GMDS: variants seen among roughly 807,000 people sequenced by gnomAD.
The protein encoded by GMDS is GDP-mannose 4,6-dehydratase.
A neutral mutation model predicts 49.9 loss-of-function variants in GMDS; 20 were observed. The ratio of observed to expected loss-of-function variants is 0.40; its 90% CI spans 0.28 to 0.58. GMDS has a LOEUF of 0.58. Among genes scored for constraint, GMDS ranks in the 20% least tolerant of loss-of-function variants. GMDS has a pLI of 0.42. For missense variants in GMDS, 362 were observed against 481.4 expected, an observed-to-expected ratio of 0.75 and a Z score of 2.32; for synonymous variants, 177 against 178.6, an observed-to-expected ratio of 0.99 and a Z score of 0.07.
chr6:1,691,887 A>G (rs1765186150), intron 9 of GMDS, among the ~76,000 whole-genome samples: 1 of 152,096 alleles, frequency 6.6e-6, no homozygotes, highest in Non-Finnish European at 1.5e-5. Context: ...TGTGGTGGTT[A>G]ATACTGAATG....
Position 1,635,495 on chromosome 6 carries a change from C to G in GMDS, c.988-10955G>C, listed in dbSNP as rs534266431. On this transcript the variant is annotated intron_variant, in intron 9 of 10. Transcript: ENST00000380815. The surrounding 1 kb of genome is among the most constrained non-coding windows in gnomAD (Gnocchi z 4.7). ...GCCGGCCACCAAACATCTAGAAAAT[C>G]ATAACATCCTTTCAGGAAAATGCAG... Among the ~76,000 whole-genome samples the G allele has an allele frequency of 6.6e-6, 1 of 152,200 alleles. No individual in the cohort carries two copies. Among genetic ancestry groups the G allele is most frequent in the African/African-American group, 2.4e-5 (1 of 41,456 alleles).
chr6:2,118,198 T>G (rs12196729), intron 2 of GMDS, among the ~76,000 whole-genome samples: 3 of 147,552 alleles, frequency 2.0e-5, no homozygotes, highest in East Asian at 2.0e-4. Context: ...AGGTGGGGGG[T>G]GGGGGGACAG....
intron 4 of GMDS, among the ~76,000 whole-genome samples, chr6:2,091,494 G>A (rs1353705575): frequency 1.3e-5 from 2 of 152,134 alleles, no homozygotes; most frequent in Non-Finnish European, 2.9e-5. Context: ...AAAAACATAA[G>A]TTTAGTCACT....
chr6:1,999,588 T>C (rs1766526872), intron 4 of GMDS, among the ~76,000 whole-genome samples: 1 of 150,996 alleles, frequency 6.6e-6, no homozygotes, highest in Non-Finnish European at 1.5e-5. Flanking sequence ...ACCAACAAAA[T>C]ATAGTTGGAC....
At chr6:1,689,299 C>T (rs983703566) in intron 9 of GMDS, among the ~76,000 whole-genome samples, 2 of 152,124 alleles carry the variant, frequency 1.3e-5, no homozygotes, top group East Asian at 3.9e-4. Context: ...AAACATGAGT[C>T]AAGAGAGCCC....
chr6:1,765,200 A>T (rs1184906466), intron 7 of GMDS, among the ~76,000 whole-genome samples: 1 of 152,180 alleles, frequency 6.6e-6, no homozygotes, highest in Non-Finnish European at 1.5e-5. Context: ...TTGGAACCGG[A>T]TTCTAACTTA....
intron 8 of GMDS, among the ~76,000 whole-genome samples, chr6:1,739,102 A>G (rs1767158892): frequency 6.6e-6 from 1 of 152,206 alleles, no homozygotes; most frequent in Admixed American, 6.5e-5. Flanking sequence ...AGGCATGAAG[A>G]CCTGGGTCTG....
chr6:2,001,251 A>G (rs540739791), intron 4 of GMDS, among the ~76,000 whole-genome samples: 19 of 152,350 alleles, frequency 1.2e-4, no homozygotes, highest in African/African-American at 4.6e-4. Flanking sequence ...AATGATGTCA[A>G]GCATCTTTTC....
At chr6:2,172,154 T>C (rs901403080) in intron 1 of GMDS, among the ~76,000 whole-genome samples, 1 of 152,144 alleles carries the variant, frequency 6.6e-6, no homozygotes, top group Non-Finnish European at 1.5e-5. Context: ...ATGATGATCA[T>C]CATAAATGAA....
intron 2 of GMDS, among the ~76,000 whole-genome samples, chr6:2,121,264 T>A (rs967107371): frequency 2.0e-5 from 3 of 152,214 alleles, no homozygotes; most frequent in Non-Finnish European, 4.4e-5. Context: ...CAGCAATGTG[T>A]AGAATTAAGT....
At position 1,640,417 on chromosome 6, in the gene GMDS, T is replaced by C. The variant is rs1313352474; in HGVS notation, c.988-15877A>G. The stretch of plus-strand genomic sequence containing the variant: ...GGTGTGTTATGCACCTGTCACGGGG[T>C]AAGGCCTTCCACGTATGCTCGCTCT... On this transcript the variant is annotated intron_variant, in intron 9 of 10. Coordinates refer to ENST00000380815, the MANE Select transcript of GMDS (RefSeq NM_001500.4). The surrounding 1 kb of genome is among the most constrained non-coding windows in gnomAD (Gnocchi z 4.0). Among the ~76,000 whole-genome samples, 1 of 151,996 alleles carries C rather than the reference T, an allele frequency of 6.6e-6. No homozygotes were observed. The highest frequency in any genetic ancestry group is 2.4e-5 in the African/African-American group (1 of 41,368).
intron 9 of GMDS, among the ~76,000 whole-genome samples, chr6:1,700,191 G>A (rs1765495815): frequency 6.6e-6 from 1 of 152,108 alleles, no homozygotes; most frequent in Non-Finnish European, 1.5e-5. Context: ...AAGTCTTCAT[G>A]CTTCTTCTAA....
At chr6:2,241,196 G>A (rs557322067) in intron 1 of GMDS, among the ~76,000 whole-genome samples, 6 of 152,198 alleles carry the variant, frequency 3.9e-5, no homozygotes, top group East Asian at 1.9e-4. Flanking sequence ...ATGCTGCTCC[G>A]ACATCCTGGC....
chr6:2,205,284 T>TTTTGTAAGA lies in GMDS; in HGVS notation c.102+40036_102+40037insTCTTACAAA, dbSNP rs1779755807. Among the ~76,000 whole-genome samples the TTTTGTAAGA allele has an allele frequency of 2.0e-5, 3 of 152,288 alleles. No individual in the cohort carries two copies. In the South Asian group the frequency reaches 6.2e-4, roughly 32 times the overall value. ...TGCTTTTAAATGCTACTATTCCCCA[T>TTTTGTAAGA]CCTCTACCTAAGTTCACCATTAGTT... On this transcript the variant is annotated intron_variant, in intron 1 of 10. Coordinates refer to ENST00000380815, the MANE Select transcript of GMDS (RefSeq NM_001500.4).
intron 7 of GMDS, among the ~76,000 whole-genome samples, chr6:1,831,993 A>C (rs1561833656): frequency 6.6e-6 from 1 of 152,134 alleles, no homozygotes. Flanking sequence ...ACGTCTTCAG[A>C]AATTTAATAA....
At chr6:1,820,931 C>T (rs561541540) in intron 7 of GMDS, among the ~76,000 whole-genome samples, 2 of 152,342 alleles carry the variant, frequency 1.3e-5, no homozygotes, top group South Asian at 4.1e-4. Flanking sequence ...GGGCTCTAGC[C>T]CAGGCCTGCC....
chr6:2,064,499 G>C (rs1236757490), intron 4 of GMDS, among the ~76,000 whole-genome samples: 1 of 152,154 alleles, frequency 6.6e-6, no homozygotes, highest in Non-Finnish European at 1.5e-5. Context: ...CCTGGGGCTT[G>C]CTGACAGAGA....
At chr6:2,036,104 C>T (rs182542399) in intron 4 of GMDS, among the ~76,000 whole-genome samples, 150 of 152,308 alleles carry the variant, frequency 9.8e-4, no homozygotes, top group African/African-American at 3.6e-3. Flanking sequence ...CAGTGTTCTC[C>T]TTTCACCTAA....
chr6:2,082,352 C>T (rs1408493583), intron 4 of GMDS, among the ~76,000 whole-genome samples: 3 of 152,146 alleles, frequency 2.0e-5, no homozygotes, highest in Non-Finnish European at 4.4e-5. Context: ...GACAGGGAGA[C>T]AGTCAACAGA....
Sources: allele counts gnomAD v4.1 joint callset (sites outside exome capture counted in the v4.1 genomes callset), GRCh38; gene constraint gnomAD v4.1.1; non-coding constraint Gnocchi (gnomAD v3.1); transcripts MANE v1.5; gene names NCBI Gene and HGNC (gene_info 2026-07-23, HGNC 2026-07-21).